The following ARB2A variants were observed in gnomAD, a reference collection of about 807,000 sequenced individuals.
ARB2A encodes ARB2 cotranscriptional regulator A.
chr5:93,868,781 C>T, the ARB2A span, among the ~76,000 whole-genome samples: 1 of 152,132 alleles, frequency 6.6e-6, no homozygotes, highest in African/African-American at 2.4e-5. Flanking sequence ...CTGCTCAATG[C>T]AACACCCTAA....
the ARB2A span, among the ~76,000 whole-genome samples, chr5:93,707,657 C>T: frequency 1.3e-5 from 2 of 151,200 alleles, no homozygotes. Context: ...TCACTGCAAC[C>T]TCTGCCTCCT....
chr5:93,733,186 CTT>C, the ARB2A span: 2 of 148,754 alleles, frequency 1.3e-5, no homozygotes, highest in Admixed American at 1.3e-4. Flanking sequence ...CACACACAAA[CTT>C]ATTTTCTTTT....
the ARB2A span, among the ~76,000 whole-genome samples, chr5:94,063,674 C>A: frequency 6.6e-6 from 1 of 152,130 alleles, no homozygotes; most frequent in East Asian, 1.9e-4. Context: ...TACCTGGTAT[C>A]CCTGTCCCCA....
chr5:94,046,728 T>C, the ARB2A span, among the ~76,000 whole-genome samples: 2 of 152,182 alleles, frequency 1.3e-5, no homozygotes, highest in Non-Finnish European at 2.9e-5. Context: ...ACTTTTTTTT[T>C]GTACCAGACC....
the ARB2A span, among the ~76,000 whole-genome samples, chr5:93,948,390 C>T: frequency 1.2e-4 from 18 of 152,038 alleles, no homozygotes; most frequent in East Asian, 3.9e-4. Flanking sequence ...TTTGAGTTCA[C>T]TGTAGATTCT....
At chr5:93,833,385 G>C in the ARB2A span, among the ~76,000 whole-genome samples, 2 of 152,148 alleles carry the variant, frequency 1.3e-5, no homozygotes, top group Admixed American at 6.5e-5. Context: ...AAGACTGGTG[G>C]TCAAAGATAT....
the ARB2A span, among the ~76,000 whole-genome samples, chr5:93,744,306 G>A: frequency 1.3e-4 from 20 of 151,364 alleles, no homozygotes; most frequent in African/African-American, 3.4e-4. Context: ...ATGGTGGCGC[G>A]GACCTGTAAT....
At chr5:93,841,689 C>T in the ARB2A span, among the ~76,000 whole-genome samples, 11 of 152,280 alleles carry the variant, frequency 7.2e-5, no homozygotes, top group South Asian at 1.9e-3. Context: ...TGAGTTCATA[C>T]GTGTAATCTT....
the ARB2A span, among the ~76,000 whole-genome samples, chr5:94,100,464 G>C: frequency 6.6e-6 from 1 of 152,086 alleles, no homozygotes; most frequent in Non-Finnish European, 1.5e-5. Flanking sequence ...AACCAAAAAA[G>C]AGCTCAAATA....
At chr5:93,697,286 C>T in the ARB2A span, among the ~76,000 whole-genome samples, 2 of 151,720 alleles carry the variant, frequency 1.3e-5, no homozygotes, top group South Asian at 4.2e-4. Flanking sequence ...CTTTCTATAT[C>T]TCTCCCCTTT....
At chr5:93,990,178 A>G in the ARB2A span, among the ~76,000 whole-genome samples, 4 of 152,170 alleles carry the variant, frequency 2.6e-5, no homozygotes, top group African/African-American at 4.8e-5. Context: ...CATTAAAAAT[A>G]GGGATTGGGG....
chr5:93,800,908 C>T, the ARB2A span, among the ~76,000 whole-genome samples: 1 of 152,010 alleles, frequency 6.6e-6, no homozygotes, highest in Non-Finnish European at 1.5e-5. Context: ...GAATGAAATG[C>T]AATCTTTAAT....
chr5:94,082,757 G>A, the ARB2A span, among the ~76,000 whole-genome samples: 2 of 151,744 alleles, frequency 1.3e-5, no homozygotes, highest in East Asian at 3.9e-4. Context: ...ATACTTTATA[G>A]CATTTCATGT....
the ARB2A span, among the ~76,000 whole-genome samples, chr5:94,033,396 C>T: frequency 2.0e-5 from 3 of 152,008 alleles, no homozygotes; most frequent in South Asian, 6.3e-4. Context: ...TTTAGGGGAC[C>T]TTTGTGATGA....
the ARB2A span, among the ~76,000 whole-genome samples, chr5:93,867,702 G>A: frequency 3.3e-5 from 5 of 152,038 alleles, no homozygotes; most frequent in South Asian, 1.0e-3. Context: ...AGCAAATTCA[G>A]GTATAAGAAT....
chr5:93,925,952 G>C, the ARB2A span, among the ~76,000 whole-genome samples: 1 of 152,112 alleles, frequency 6.6e-6, no homozygotes, highest in South Asian at 2.1e-4. Flanking sequence ...TTTGATCTGA[G>C]TGGAGCCACC....
At chr5:93,919,270 T>A in the ARB2A span, among the ~76,000 whole-genome samples, 1 of 152,102 alleles carries the variant, frequency 6.6e-6, no homozygotes, top group Non-Finnish European at 1.5e-5. Flanking sequence ...AAAACTTTTA[T>A]AAAGATTTGG....
the ARB2A span, among the ~76,000 whole-genome samples, chr5:93,815,528 C>T: frequency 6.6e-6 from 1 of 152,294 alleles, no homozygotes; most frequent in African/African-American, 2.4e-5. Flanking sequence ...CTAATCTAAG[C>T]CACATAATCA....
chr5:93,708,616 G>A, the ARB2A span, among the ~76,000 whole-genome samples: 9 of 152,230 alleles, frequency 5.9e-5, no homozygotes, highest in South Asian at 8.3e-4. Context: ...GACAGGAGGC[G>A]GAGCTCAGGT....
Sources: allele counts gnomAD v4.1 joint callset (sites outside exome capture counted in the v4.1 genomes callset), GRCh38; gene constraint gnomAD v4.1.1; transcripts MANE v1.5; gene names NCBI Gene and HGNC (gene_info 2026-07-23, HGNC 2026-07-21).